The following TEX28 variants were observed in gnomAD, a reference collection of about 807,000 sequenced individuals.
TEX28 encodes the protein testis expressed 28.
upstream of TEX28, among the ~76,000 whole-genome samples, chrX:154,294,739 G>T (rs2067205259): frequency 9.1e-6 from 1 of 109,840 alleles, no homozygotes. Flanking sequence ...GGAGGCAGAG[G>T]TTGCAACGAG....
At chrX:154,295,138 G>A (rs1295714535), upstream of TEX28, 2 of 112,265 alleles carry the variant, frequency 1.8e-5, no homozygotes, top group Non-Finnish European at 3.8e-5. Flanking sequence ...AGTTACCAGG[G>A]TTCATTCGAG....
At chrX:154,293,256 A>C (rs2067195502), upstream of TEX28, among the ~76,000 whole-genome samples, 1 of 67,593 alleles carries the variant, frequency 1.5e-5, no homozygotes, top group South Asian at 8.2e-4. Flanking sequence ...AAAAAAAAGT[A>C]ATCACTAGAA....
upstream of TEX28, chrX:154,294,976 C>T (rs782500587): frequency 1.3e-4 from 15 of 112,091 alleles, no homozygotes; most frequent in Middle Eastern, 4.6e-3. Flanking sequence ...TTGGGCACGG[C>T]GCTGTGGAGC....
At chrX:154,294,672 G>A (rs929688762), upstream of TEX28, among the ~76,000 whole-genome samples, 46 of 110,507 alleles carry the variant, frequency 4.2e-4, no homozygotes, top group Admixed American at 3.2e-3. Flanking sequence ...GTGTGGTGGC[G>A]GATGCCTGTA....
chrX:154,294,228 A>G (rs1485002967), upstream of TEX28, among the ~76,000 whole-genome samples: 3 of 108,464 alleles, frequency 2.8e-5, no homozygotes, highest in Non-Finnish European at 5.7e-5. Flanking sequence ...GTGCCACTAC[A>G]CCCAGCTAAT....
chrX:154,295,078 T>G (rs1419156282), upstream of TEX28: 1 of 111,787 alleles, frequency 8.9e-6, no homozygotes, highest in Non-Finnish European at 1.9e-5. Context: ...GGGCTAGTGC[T>G]GGCACCACCG....
chrX:154,294,180 C>G (rs1303378992), upstream of TEX28, among the ~76,000 whole-genome samples: 1 of 105,365 alleles, frequency 9.5e-6, no homozygotes, highest in Non-Finnish European at 2.0e-5. Flanking sequence ...AAGCGATTCT[C>G]CTGTCTCAGC....
upstream of TEX28, among the ~76,000 whole-genome samples, chrX:154,294,717 C>T (rs1242817168): frequency 2.7e-5 from 3 of 109,926 alleles, no homozygotes; most frequent in East Asian, 2.9e-4. Flanking sequence ...GCAGGAGAAT[C>T]GCTTGAAGCC....
At chrX:154,294,000 A>G (rs2067198863), upstream of TEX28, among the ~76,000 whole-genome samples, 1 of 71,387 alleles carries the variant, frequency 1.4e-5, no homozygotes, top group African/African-American at 5.7e-5. Context: ...AGGTGATGTC[A>G]CATACCCTGC....
At chrX:154,294,269 C>G (rs1353551038), upstream of TEX28, among the ~76,000 whole-genome samples, 1 of 109,367 alleles carries the variant, frequency 9.1e-6, no homozygotes, top group East Asian at 2.9e-4. Flanking sequence ...CGGGGTGTCT[C>G]CATGTTAGGC....
chrX:154,294,217 T>C (rs1440539386), upstream of TEX28, among the ~76,000 whole-genome samples: 1 of 108,587 alleles, frequency 9.2e-6, no homozygotes, highest in Non-Finnish European at 1.9e-5. Flanking sequence ...AGTACAGGTA[T>C]GTGCCACTAC....
upstream of TEX28, among the ~76,000 whole-genome samples, chrX:154,293,975 C>T (rs1396299835): frequency 7.3e-5 from 5 of 68,274 alleles, no homozygotes; most frequent in Admixed American, 1.8e-4. Flanking sequence ...CCAGGGCTGG[C>T]GAGAATGTGG....
upstream of TEX28, among the ~76,000 whole-genome samples, chrX:154,294,481 C>T (rs1557163180): frequency 1.9e-5 from 2 of 107,876 alleles, no homozygotes; most frequent in Admixed American, 1.0e-4. Flanking sequence ...ATTCTCCTGC[C>T]TCAGATTCCC....
upstream of TEX28, among the ~76,000 whole-genome samples, chrX:154,293,332 C>A: frequency 1.3e-5 from 1 of 77,387 alleles, no homozygotes; most frequent in Non-Finnish European, 2.3e-5. Context: ...CTTGATTAAT[C>A]AAAACAAAAA....
upstream of TEX28, chrX:154,295,109 C>T (rs950861945): frequency 2.7e-5 from 3 of 112,254 alleles, no homozygotes; most frequent in East Asian, 8.4e-4. Context: ...ATTTCAGACA[C>T]AGGGCGAGCA....
upstream of TEX28, among the ~76,000 whole-genome samples, chrX:154,294,240 T>A (rs1236551680): frequency 2.4e-4 from 26 of 109,551 alleles, no homozygotes; most frequent in Non-Finnish European, 5.7e-5. Context: ...CCAGCTAATT[T>A]TTTTGTATTT....
chrX:154,293,976 G>A (rs1162461200), upstream of TEX28, among the ~76,000 whole-genome samples: 2 of 68,777 alleles, frequency 2.9e-5, no homozygotes, highest in Non-Finnish European at 5.3e-5. Context: ...CAGGGCTGGC[G>A]AGAATGTGGC....
At chrX:154,294,687 C>T (rs183217328), upstream of TEX28, among the ~76,000 whole-genome samples, 266 of 110,367 alleles carry the variant, frequency 2.4e-3, 3 homozygotes, top group African/African-American at 7.9e-3. Context: ...CCTGTAATCC[C>T]AGCTATTCAG....
upstream of TEX28, among the ~76,000 whole-genome samples, chrX:154,294,556 C>A (rs1375494267): frequency 1.0e-5 from 1 of 97,429 alleles, no homozygotes; most frequent in African/African-American, 3.9e-5. Context: ...AATCCCAACA[C>A]TTTGGGAGGC....
Sources: gnomAD v4.1 joint callset for allele counts (sites outside exome capture counted in the v4.1 genomes callset) on GRCh38, gnomAD v4.1.1 for gene constraint, MANE v1.5 for transcripts, NCBI Gene and HGNC (gene_info 2026-07-23, HGNC 2026-07-21) for gene names.